The following COL24A1 variants were observed in gnomAD, a reference collection of about 807,000 sequenced individuals.
COL24A1 encodes the protein collagen type XXIV alpha 1 chain.
COL24A1 carries 224 observed loss-of-function variants against 253.9 expected under a neutral mutation model. The ratio of observed to expected loss-of-function variants is 0.88; its 90% CI spans 0.79 to 0.99. The LOEUF is 0.99. Among genes scored for constraint, COL24A1 ranks in the 50% least tolerant of loss-of-function variants. The pLI is 0.00. For synonymous variants in COL24A1, 685 were observed against 673.7 expected (o/e 1.02, Z -0.26); for missense variants, 2,131 against 2,068.5 (o/e 1.03, Z -0.59).
intron 2 of COL24A1, among the ~76,000 whole-genome samples, chr1:86,132,193 C>T (rs960425526): frequency 1.3e-5 from 2 of 152,126 alleles, no homozygotes; most frequent in African/African-American, 4.8e-5. Context: ...ATATCCTTTG[C>T]CCACTTTTTG....
At chr1:85,965,878 C>T (rs747743451) in intron 22 of COL24A1, among the ~76,000 whole-genome samples, 5 of 152,026 alleles carry the variant, frequency 3.3e-5, no homozygotes, top group Non-Finnish European at 7.4e-5. Flanking sequence ...GTGATGAGGT[C>T]AAAGGAAATG....
intron 58 of COL24A1, among the ~76,000 whole-genome samples, chr1:85,735,893 C>A (rs1663994411): frequency 6.6e-6 from 1 of 151,188 alleles, no homozygotes; most frequent in African/African-American, 2.4e-5. Context: ...AGAAGAAAAA[C>A]AATAACAACA....
chr1:86,016,581 T>A (rs1048717152), intron 19 of COL24A1, among the ~76,000 whole-genome samples: 1 of 152,210 alleles, frequency 6.6e-6, no homozygotes, highest in African/African-American at 2.4e-5. Context: ...ATGTAGTATA[T>A]CTTTGACTCA....
intron 12 of COL24A1, among the ~76,000 whole-genome samples, chr1:86,046,333 C>T (rs575778112): frequency 1.8e-4 from 28 of 152,258 alleles, no homozygotes; most frequent in African/African-American, 6.3e-4. Flanking sequence ...AATTTCCTCC[C>T]ATCTCTGAAA....
chr1:85,814,795 C>T (rs2101910982), intron 47 of COL24A1, among the ~76,000 whole-genome samples: 1 of 152,042 alleles, frequency 6.6e-6, no homozygotes, highest in African/African-American at 2.4e-5. Context: ...TAATTAATGA[C>T]TTTGATATGT....
At chr1:85,976,960 C>CA (rs1159791812) in intron 20 of COL24A1, among the ~76,000 whole-genome samples, 1 of 152,238 alleles carries the variant, frequency 6.6e-6, no homozygotes, top group Non-Finnish European at 1.5e-5. Flanking sequence ...AGGACTCTTA[C>CA]AGTCTACTTC....
chr1:85,897,858 C>T (rs758263566), intron 28 of COL24A1, among the ~76,000 whole-genome samples: 6 of 152,098 alleles, frequency 3.9e-5, no homozygotes, highest in Non-Finnish European at 7.4e-5. Flanking sequence ...AGAGATAAGA[C>T]ATGCCAAGGA....
chr1:85,742,497 C>T (rs1220435827), intron 57 of COL24A1, among the ~76,000 whole-genome samples: 1 of 152,074 alleles, frequency 6.6e-6, no homozygotes, highest in Non-Finnish European at 1.5e-5. Context: ...CATTAAACAC[C>T]AATTAAATGT....
intron 24 of COL24A1, among the ~76,000 whole-genome samples, chr1:85,941,582 G>A (rs1688759637): frequency 6.6e-6 from 1 of 151,774 alleles, no homozygotes; most frequent in African/African-American, 2.4e-5. Flanking sequence ...TTATTTAGAG[G>A]GTATTTAAAA....
At chr1:85,974,248 A>C (rs978498730) in intron 20 of COL24A1, among the ~76,000 whole-genome samples, 1 of 152,146 alleles carries the variant, frequency 6.6e-6, no homozygotes, top group African/African-American at 2.4e-5. Context: ...CATCTATAGA[A>C]TACTGAATCC....
intron 47 of COL24A1, among the ~76,000 whole-genome samples, chr1:85,793,941 C>T (rs568075660): frequency 6.6e-6 from 1 of 151,762 alleles, no homozygotes; most frequent in African/African-American, 2.4e-5. Context: ...AGTATAAAGA[C>T]CTAAAGAAAC....
At chr1:85,801,860 T>A (rs954426460) in intron 47 of COL24A1, among the ~76,000 whole-genome samples, 5 of 152,188 alleles carry the variant, frequency 3.3e-5, no homozygotes, top group Non-Finnish European at 5.9e-5. Context: ...CCTATAATAT[T>A]TGCTTTTTCA....
rs200018609 is a variant in COL24A1, at chr1:85,911,370, A to T, written c.2616+10T>A. On this transcript the variant is annotated intron_variant, in intron 25 of 59. Transcript: ENST00000370571. ...CTTCCTATAAAACAAAATAATTCTTAAAAAATTACCTTTTCGCCAATGCTT... is the reference window on the plus strand; with the variant it reads ...CTTCCTATAAAACAAAATAATTCTTTAAAAATTACCTTTTCGCCAATGCTT... The T allele has an allele frequency of 1.9e-6, 3 of 1,608,762 alleles. No homozygotes were observed. The highest frequency in any genetic ancestry group is 2.5e-6 in the Non-Finnish European group (3 of 1,176,798).
At chr1:85,903,377 T>G (rs1445835706) in intron 28 of COL24A1, among the ~76,000 whole-genome samples, 2 of 152,200 alleles carry the variant, frequency 1.3e-5, no homozygotes, top group African/African-American at 2.4e-5. Flanking sequence ...AATTTCACGC[T>G]GATATTGGTT....
chr1:85,829,539 C>A (rs1325475797), intron 43 of COL24A1, among the ~76,000 whole-genome samples: 9 of 151,938 alleles, frequency 5.9e-5, no homozygotes, highest in Non-Finnish European at 7.4e-5. Flanking sequence ...GTTCCATTCT[C>A]CCCGTCACTT....
chr1:85,807,075 A>G (rs1672052485), intron 47 of COL24A1, among the ~76,000 whole-genome samples: 1 of 152,204 alleles, frequency 6.6e-6, no homozygotes. Context: ...CTGAACCTCT[A>G]ATCCTGCTTA....
intron 53 of COL24A1, among the ~76,000 whole-genome samples, chr1:85,768,593 G>T (rs1432251083): frequency 2.1e-5 from 3 of 141,646 alleles, no homozygotes; most frequent in Non-Finnish European, 3.1e-5. Flanking sequence ...TGTGCGGGGG[G>T]AGGGCTTATT....
intron 46 of COL24A1, among the ~76,000 whole-genome samples, chr1:85,817,347 G>A (rs954460296): frequency 5.9e-5 from 9 of 152,096 alleles, no homozygotes; most frequent in African/African-American, 2.2e-4. Context: ...TTATATGACT[G>A]AAGTAAGGTC....
At chr1:86,013,772 G>T (rs1209400694) in intron 19 of COL24A1, among the ~76,000 whole-genome samples, 3 of 152,280 alleles carry the variant, frequency 2.0e-5, no homozygotes, top group African/African-American at 4.8e-5. Context: ...GGAGGCAGAG[G>T]TTGCAATGAG....
Sources: allele counts gnomAD v4.1 joint callset (sites outside exome capture counted in the v4.1 genomes callset), GRCh38; gene constraint gnomAD v4.1.1; transcripts MANE v1.5; gene names NCBI Gene and HGNC (gene_info 2026-07-23, HGNC 2026-07-21).